Variants in TPCN1 observed in about 807,000 individuals in gnomAD.
TPCN1 encodes two pore channel protein 1.
In TPCN1, 52 loss-of-function variants were observed where a neutral mutation model predicts 108.8. The observed-to-expected ratio is 0.48, with a 90% CI of 0.38 to 0.60. TPCN1 has a LOEUF of 0.60. Ranked by LOEUF, TPCN1 falls within the 20% of genes least tolerant of loss-of-function variation. The probability of loss-of-function intolerance (pLI) is 0.00; values close to 1 mark genes in which losing one functional copy is unlikely to be tolerated. For synonymous variants in TPCN1, 446 were observed against 433.7 expected, an observed-to-expected ratio of 1.03 and a Z score of -0.35; for missense variants, 806 against 1,072.8, an observed-to-expected ratio of 0.75 and a Z score of 3.47.
chr12:113,291,828 C>A (rs757708141), intron 24 of TPCN1, 46 bp from the exon 25 acceptor site: 4 of 1,530,736 alleles, frequency 2.6e-6, no homozygotes, highest in South Asian at 2.2e-5. Flanking sequence ...GACACCTACC[C>A]ACCCTCCTCC....
intron 25 of TPCN1, chr12:113,292,295 G>A (rs1761109387): frequency 3.1e-6 from 1 of 323,164 alleles, no homozygotes; most frequent in South Asian, 3.8e-5. Flanking sequence ...TATTTCTTCT[G>A]TTAGTCATCT....
chr12:113,284,873 C>A lies in TPCN1; in HGVS notation c.1453+102C>A. The A allele has an allele frequency of 7.6e-7, 1 of 1,313,276 alleles. No individual in the cohort carries two copies. The highest frequency in any genetic ancestry group is 1.1e-6 in the Non-Finnish European group (1 of 912,414). 81.4% of individuals were successfully genotyped at this position (1,313,276 alleles called of 1,614,324 possible). A position where few individuals can be genotyped will look rare whatever the true frequency, so the allele number is the denominator to read the frequency against. On this transcript the variant is annotated intron_variant, in intron 17 of 27. Transcript: ENST00000335509. This position sits in a 1 kb window ranked among gnomAD's most constrained non-coding sequence, Gnocchi z 4.1. Reference sequence around the variant, plus strand: ...CATGGTTCTTCTCTAAAACAGGAAGCTATAAAGAGACGGAGTAATCAGTCT... The same window carrying A: ...CATGGTTCTTCTCTAAAACAGGAAGATATAAAGAGACGGAGTAATCAGTCT...
intron 2 of TPCN1, among the ~76,000 whole-genome samples, chr12:113,233,721 C>T (rs1357882994): frequency 3.3e-5 from 5 of 152,206 alleles, no homozygotes; most frequent in Non-Finnish European, 5.9e-5. Context: ...GTGTGTCAGG[C>T]GGTATCCAAA....
At chr12:113,222,538 C>T (rs912874117) in intron 1 of TPCN1, among the ~76,000 whole-genome samples, 2 of 152,200 alleles carry the variant, frequency 1.3e-5, no homozygotes, top group African/African-American at 4.8e-5. Context: ...CCAGACATTG[C>T]CGATGTCCCC....
chr12:113,261,270 C>T (rs747673094), intron 3 of TPCN1, among the ~76,000 whole-genome samples: 1 of 151,932 alleles, frequency 6.6e-6, no homozygotes, highest in African/African-American at 2.4e-5. Flanking sequence ...AATGAAGAAA[C>T]ATTCACCTAA....
intron 26 of TPCN1, 77 bp from the exon 27 acceptor site, chr12:113,293,192 G>A: frequency 6.2e-7 from 1 of 1,602,934 alleles, no homozygotes; most frequent in Non-Finnish European, 8.5e-7. Context: ...CCAGAGAAGT[G>A]GGAGACGCCA....
chr12:113,240,460 C>T (rs1194741003), intron 2 of TPCN1, among the ~76,000 whole-genome samples: 1 of 152,118 alleles, frequency 6.6e-6, no homozygotes, highest in Non-Finnish European at 1.5e-5. Flanking sequence ...AGGAGCTGAG[C>T]TTGTTTTTTC....
intron 14 of TPCN1, 107 bp downstream of exon 14, chr12:113,278,942 G>A: frequency 9.9e-7 from 1 of 1,005,154 alleles, no homozygotes; most frequent in Non-Finnish European, 1.6e-6. Flanking sequence ...GTGTGTGTGT[G>A]TGTGTTTGTC....
rs562005504 is a variant in TPCN1, at chr12:113,273,528, C to T, written c.843-41C>T. On this transcript the variant is annotated intron_variant, in intron 9 of 27. Coordinates refer to ENST00000335509, the MANE Select transcript of TPCN1 (RefSeq NM_017901.6). The surrounding 1 kb of genome is among the most constrained non-coding windows in gnomAD (Gnocchi z 4.0). The stretch of plus-strand genomic sequence containing the variant: ...GGCATGTGCTCTGAGAGGATGGAGA[C>T]AGGCAGATACAGCACGCCGGGTCAC... 2.6e-5 allele frequency: 39 copies of T among 1,500,010 alleles called. No homozygotes were observed. In the African/African-American group the frequency reaches 3.7e-4, roughly 14 times the overall value. 92.9% of individuals were successfully genotyped at this position (1,500,010 alleles called of 1,614,324 possible).
intron 3 of TPCN1, among the ~76,000 whole-genome samples, chr12:113,263,412 C>T (rs1049440178): frequency 2.6e-5 from 4 of 152,150 alleles, no homozygotes; most frequent in African/African-American, 9.7e-5. Flanking sequence ...AGGCACCTGC[C>T]GCCACACCAG....
chr12:113,262,069 G>C (rs76109726), intron 3 of TPCN1, among the ~76,000 whole-genome samples: 1 of 152,238 alleles, frequency 6.6e-6, no homozygotes, highest in South Asian at 2.1e-4. Flanking sequence ...TCAGTTTCTG[G>C]TTTGCATTGA....
Position 113,237,369 on chromosome 12 carries a change from T to C in TPCN1, c.112+10405T>C, listed in dbSNP as rs560416023. 1.2e-3 allele frequency among the ~76,000 whole-genome samples: 180 copies of C among 152,182 alleles called. 1 individual carries two copies. The highest frequency in any genetic ancestry group is 5.3e-4 in the Non-Finnish European group (36 of 67,990). On this transcript the variant is annotated intron_variant, in intron 2 of 27. Transcript: ENST00000335509. ...GCTCAGTTCCTACTTCTTTTTTTTT[T>C]TTCTTGAGTTAGAGTCTTGCTCTGT...
intron 15 of TPCN1, among the ~76,000 whole-genome samples, chr12:113,283,319 A>G (rs1426546343): frequency 6.6e-6 from 1 of 152,086 alleles, no homozygotes; most frequent in Non-Finnish European, 1.5e-5. Flanking sequence ...TGCAGTTAAC[A>G]ATATGCCCTG....
intron 7 of TPCN1, among the ~76,000 whole-genome samples, chr12:113,270,208 A>AG (rs1434809279): frequency 3.9e-5 from 6 of 152,124 alleles, no homozygotes; most frequent in African/African-American, 1.4e-4. Flanking sequence ...GTCTCAAAAA[A>AG]AAAAAGAAAA....
In TPCN1 at chr12:113,285,944, G is replaced by T. The variant is rs1464991258; in HGVS notation, c.1509G>T (p.Leu503Phe). Residue 503 changes from leucine to phenylalanine, a missense_variant, in exon 18 of 28, where the codon TTG becomes TTT. Transcript: ENST00000335509. ...CCGGCCTGGGCCCTGTGGAGTACTT[G>T]TCTTCCGGATGGAACTTGTGAGTGG... ...KVAGLGPVEY[L>F]SSGWNLFDFS... 6 of 1,614,206 alleles carry T rather than the reference G, an allele frequency of 3.7e-6. No individual in the cohort carries two copies. The highest frequency in any genetic ancestry group is 1.7e-5 in the Admixed American group (1 of 60,030).
At chr12:113,247,165 C>T (rs1032445004) in intron 2 of TPCN1, among the ~76,000 whole-genome samples, 6 of 152,168 alleles carry the variant, frequency 3.9e-5, no homozygotes, top group African/African-American at 1.2e-4. Context: ...ACACACAGTG[C>T]TGATGACTCA....
chr12:113,227,561 A>C (rs1953518984), intron 2 of TPCN1, among the ~76,000 whole-genome samples: 1 of 152,164 alleles, frequency 6.6e-6, no homozygotes, highest in Non-Finnish European at 1.5e-5. Flanking sequence ...TTAAATTTTA[A>C]GTGTGTTTCT....
At position 113,288,615 on chromosome 12, in the gene TPCN1, C is replaced by T. The variant is rs1593206771; in HGVS notation, c.1707-143C>T. On this transcript the variant is annotated intron_variant, in intron 20 of 27. Transcript: ENST00000335509. The surrounding 1 kb of genome is among the most constrained non-coding windows in gnomAD (Gnocchi z 4.8). ...ACCCCAGAGCTGCCCCACGAGGCCC[C>T]TTCCCCGCAGGCACTTTCCAGTTGG... is the stretch of plus-strand genomic sequence containing the variant. 6.6e-7 allele frequency: 1 copy of T among 1,515,692 alleles called. No homozygotes were observed. Among genetic ancestry groups the T allele is most frequent in the South Asian group, 1.3e-5 (1 of 79,108 alleles). The allele number at this position is 1,515,692 out of a possible 1,614,324, so 93.9% of individuals were successfully genotyped here. A position where few individuals can be genotyped will look rare whatever the true frequency, so the allele number is the denominator to read the frequency against.
intron 2 of TPCN1, among the ~76,000 whole-genome samples, chr12:113,242,953 G>A (rs567769066): frequency 1.3e-5 from 2 of 152,342 alleles, no homozygotes; most frequent in South Asian, 2.1e-4. Context: ...CCATGAGGGC[G>A]AGGGCCATGG....
Sources: gnomAD v4.1 joint callset for allele counts (sites outside exome capture counted in the v4.1 genomes callset) on GRCh38, gnomAD v4.1.1 for gene constraint, Gnocchi (gnomAD v3.1) non-coding constraint, MANE v1.5 for transcripts, NCBI Gene and HGNC (gene_info 2026-07-23, HGNC 2026-07-21) for gene names.